The following DNM2 variants were observed in gnomAD, a reference collection of about 807,000 sequenced individuals.
DNM2 encodes the protein dynamin-2.
Under a neutral mutation model 99.0 loss-of-function variants are expected in DNM2, and 15 were observed. The ratio of observed to expected loss-of-function variants is 0.15; its 90% CI spans 0.10 to 0.23. The LOEUF is 0.23. Among genes scored for constraint, DNM2 ranks in the 10% least tolerant of loss-of-function variants. The probability of loss-of-function intolerance (pLI) is 1.00; values close to 1 mark genes in which losing one functional copy is unlikely to be tolerated. For missense variants in DNM2, 742 were observed against 1,189.4 expected (o/e 0.62, Z 5.53); for synonymous variants, 525 against 481.2 (o/e 1.09, Z -1.19).
rs114713494 is a variant in DNM2, at chr19:10,805,981, C to G, written c.1545+14C>G. 5.7e-4 allele frequency: 927 copies of G among 1,614,182 alleles called. 7 individuals are homozygous for G. The African/African-American group carries it at 0.011, about 19-fold the overall frequency. On this transcript the variant is annotated intron_variant, in intron 13 of 20. Transcript: ENST00000389253. ...ATCCCCAATCAGGTAGCACACCCCT[C>G]TGCAGTCTCCCGCTCTACCCTGGGG...
intron 17 of DNM2, chr19:10,824,133 C>T: frequency 1.8e-6 from 1 of 560,064 alleles, no homozygotes; most frequent in South Asian, 2.0e-5. Context: ...TGGGGTCCCA[C>T]TTGCTTTGTT....
At chr19:10,774,007 C>T (rs2071069614) in intron 3 of DNM2, among the ~76,000 whole-genome samples, 1 of 152,218 alleles carries the variant, frequency 6.6e-6, no homozygotes, top group African/African-American at 2.4e-5. Flanking sequence ...TGATGGGTTC[C>T]TTGCGATAAG....
intron 1 of DNM2, among the ~76,000 whole-genome samples, chr19:10,740,951 A>G (rs182942373): frequency 2.6e-5 from 4 of 152,254 alleles, no homozygotes; most frequent in South Asian, 2.1e-4. Flanking sequence ...TATGATTTCA[A>G]TCTCTTTAAA....
At chr19:10,824,732 C>G (rs1032196414) in intron 17 of DNM2, 49 of 397,140 alleles carry the variant, frequency 1.2e-4, no homozygotes, top group African/African-American at 9.2e-4. Flanking sequence ...TGAGCTCTCC[C>G]TGGGAGGTTG....
At chr19:10,789,953 G>A (rs1031783774) in intron 7 of DNM2, among the ~76,000 whole-genome samples, 2 of 152,264 alleles carry the variant, frequency 1.3e-5, no homozygotes, top group African/African-American at 2.4e-5. Context: ...GGCTTAGCAC[G>A]TTACGTCATT....
chr19:10,806,926 C>G (rs1450188573), intron 13 of DNM2, among the ~76,000 whole-genome samples: 1 of 152,168 alleles, frequency 6.6e-6, no homozygotes, highest in Non-Finnish European at 1.5e-5. Flanking sequence ...TACATTGTCA[C>G]TAGCAGCTCA....
chr19:10,759,668 C>CA, intron 1 of DNM2, 70 bp from the exon 2 acceptor site: 1 of 1,591,276 alleles, frequency 6.3e-7, no homozygotes, highest in South Asian at 1.1e-5. Flanking sequence ...TGCTCCACCA[C>CA]ATGTGGTCAC....
At position 10,820,040 on chromosome 19, in the gene DNM2, G is replaced by A; in HGVS notation, c.1732G>A (p.Gly578Ser). The A allele has an allele frequency of 6.2e-7, 1 of 1,614,182 alleles. No homozygotes were observed. Among genetic ancestry groups the A allele is most frequent in the Middle Eastern group, 1.6e-4 (1 of 6,062 alleles). ...DNLKIRDVEK[G>S]FMSNKHVFAI... ...CCTCAAGATCCGTGATGTGGAGAAGGGCTTCATGTCCAACAAGCACGTCTT... is the reference window on the plus strand; with the variant it reads ...CCTCAAGATCCGTGATGTGGAGAAGAGCTTCATGTCCAACAAGCACGTCTT... The change falls in exon 16 of 21, where the codon GGC (glycine) becomes AGC (serine). Residue 578 changes from glycine to serine, a missense_variant. Gly to Ser is a moderately conservative substitution (Grantham distance 56, BLOSUM62 0). Around this residue, in one of 7 missense-constraint regions of DNM2, gnomAD observed 240 missense variants for 431.3 expected, o/e 0.56. Coordinates refer to ENST00000389253, the MANE Select transcript of DNM2 (RefSeq NM_001005361.3). The surrounding 1 kb of genome is among the most constrained non-coding windows in gnomAD (Gnocchi z 4.3).
chr19:10,798,689 T>C, intron 11 of DNM2, 117 bp downstream of exon 11: 2 of 1,112,354 alleles, frequency 1.8e-6, no homozygotes, highest in Non-Finnish European at 2.7e-6. Context: ...TCAATCAAGA[T>C]ACAGAGCGGT....
Position 10,817,951 on chromosome 19 carries a change from G to A in DNM2, c.1672-2029G>A, listed in dbSNP as rs2072822581. Among the ~76,000 whole-genome samples, 1 of 152,140 alleles carries A rather than the reference G, an allele frequency of 6.6e-6. No homozygotes were observed. Among genetic ancestry groups the A allele is most frequent in the Non-Finnish European group, 1.5e-5 (1 of 68,006 alleles). ...GTGACTCAGTTACTTGGCCCTGCTG[G>A]CTGGAAGCTTCCGGCCGCGTGATAT... On this transcript the variant is annotated intron_variant, in intron 15 of 20. Transcript: ENST00000389253. This position sits in a 1 kb window ranked among gnomAD's most constrained non-coding sequence, Gnocchi z 4.6.
intron 19 of DNM2, among the ~76,000 whole-genome samples, chr19:10,829,696 G>A (rs1028828236): frequency 4.6e-5 from 7 of 152,180 alleles, no homozygotes; most frequent in African/African-American, 1.7e-4. Context: ...GTCGGGCAGG[G>A]AACCTCAGAG....
chr19:10,811,905 A>T lies in DNM2; in HGVS notation c.1558-359A>T, dbSNP rs1176431748. On this transcript the variant is annotated intron_variant, in intron 14 of 20. Coordinates refer to ENST00000389253, the MANE Select transcript of DNM2 (RefSeq NM_001005361.3). This position sits in a 1 kb window ranked among gnomAD's most constrained non-coding sequence, Gnocchi z 5.4. Reference sequence around the variant, plus strand: ...GTGTGGATGCTACCCTTGGAACCTTATCTCACGCAAACAAGTGCAGTTCCT... The same window carrying T: ...GTGTGGATGCTACCCTTGGAACCTTTTCTCACGCAAACAAGTGCAGTTCCT... The T allele has an allele frequency of 4.3e-6, 2 of 462,140 alleles. No individual in the cohort carries two copies. Among genetic ancestry groups the T allele is most frequent in the South Asian group, 3.1e-5 (2 of 65,184 alleles). 28.6% of individuals were successfully genotyped at this position (462,140 alleles called of 1,614,324 possible).
At chr19:10,797,025 G>A (rs992624269) in intron 9 of DNM2, among the ~76,000 whole-genome samples, 2 of 152,014 alleles carry the variant, frequency 1.3e-5, no homozygotes, top group Non-Finnish European at 2.9e-5. Context: ...AAGCTTCTTC[G>A]ATTAGAAAAG....
chr19:10,830,906 AC>A lies in DNM2; in HGVS notation c.2544-69del. 6.5e-7 allele frequency: 1 copy of A among 1,532,246 alleles called. No homozygotes were observed. Among genetic ancestry groups the A allele is most frequent in the East Asian group, 2.5e-5 (1 of 40,460 alleles). The allele number at this position is 1,532,246 out of a possible 1,614,324, so 94.9% of individuals were successfully genotyped here. The stretch of plus-strand genomic sequence containing the variant: ...TGTGTGGGTGGGGGCTGGGTCCTCA[AC>A]CCAGGCCTGCCTCTTGCTCCCGGCC... On this transcript the variant is annotated intron_variant, in intron 20 of 20. Transcript: ENST00000389253. The surrounding 1 kb of genome is among the most constrained non-coding windows in gnomAD (Gnocchi z 4.8).
chr19:10,735,675 G>A (rs566769334), intron 1 of DNM2, among the ~76,000 whole-genome samples: 6 of 151,608 alleles, frequency 4.0e-5, no homozygotes, highest in South Asian at 4.2e-4. Context: ...CACCACGCCC[G>A]GCTAATTTTT....
intron 1 of DNM2, among the ~76,000 whole-genome samples, chr19:10,738,095 AC>A (rs919998598): frequency 3.3e-5 from 5 of 152,164 alleles, no homozygotes; most frequent in African/African-American, 1.2e-4. Flanking sequence ...CATTAGTCTC[AC>A]AACAGAAGGA....
intron 16 of DNM2, chr19:10,823,544 A>G (rs1318029388): frequency 9.6e-6 from 5 of 521,560 alleles, no homozygotes; most frequent in Non-Finnish European, 1.7e-5. Flanking sequence ...CTGGGGGCCC[A>G]GGAAAAGAGA....
intron 1 of DNM2, among the ~76,000 whole-genome samples, chr19:10,746,548 C>G (rs1182762312): frequency 6.6e-6 from 1 of 151,852 alleles, no homozygotes; most frequent in African/African-American, 2.4e-5. Context: ...CTCAGCCTCC[C>G]GAGTAGCTGA....
At chr19:10,737,407 G>C (rs987914405) in intron 1 of DNM2, among the ~76,000 whole-genome samples, 6 of 152,026 alleles carry the variant, frequency 3.9e-5, no homozygotes, top group African/African-American at 1.2e-4. Context: ...GCCCCACCCT[G>C]TTCTCTCTGT....
Sources: gnomAD v4.1 joint callset for allele counts (sites outside exome capture counted in the v4.1 genomes callset) on GRCh38, gnomAD v4.1.1 for gene constraint, gnomAD v4.1.1 regional missense constraint, Gnocchi (gnomAD v3.1) non-coding constraint, MANE v1.5 for transcripts, NCBI Gene and HGNC (gene_info 2026-07-23, HGNC 2026-07-21) for gene names.